ADAMTS6: variants seen among roughly 807,000 people sequenced by gnomAD.
The protein encoded by ADAMTS6 is ADAM metallopeptidase with thrombospondin type 1 motif 6.
Under a neutral mutation model 144.3 loss-of-function variants are expected in ADAMTS6, and 23 were observed. That is an observed-to-expected ratio of 0.16 (90% confidence interval 0.11 to 0.23). ADAMTS6 has a LOEUF of 0.23. Ranked by LOEUF, ADAMTS6 falls within the 10% of genes least tolerant of loss-of-function variation. ADAMTS6 has a pLI of 1.00. For missense variants in ADAMTS6, 999 were observed against 1,379.6 expected (o/e 0.72, Z 4.37); for synonymous variants, 444 against 457.5 (o/e 0.97, Z 0.38).
At chr5:65,456,643 T>C (rs1174518168) in intron 4 of ADAMTS6, among the ~76,000 whole-genome samples, 1 of 152,168 alleles carries the variant, frequency 6.6e-6, no homozygotes, top group African/African-American at 2.4e-5. Flanking sequence ...GCACCTAGAA[T>C]AGCCTTGCAT....
chr5:65,370,370 C>T (rs1251376078), intron 7 of ADAMTS6, among the ~76,000 whole-genome samples: 1 of 152,194 alleles, frequency 6.6e-6, no homozygotes, highest in African/African-American at 2.4e-5. Context: ...GTACCGGGTT[C>T]ATCTCACTAG....
intron 7 of ADAMTS6, among the ~76,000 whole-genome samples, chr5:65,419,505 T>C (rs1755832523): frequency 6.6e-6 from 1 of 152,092 alleles, no homozygotes; most frequent in African/African-American, 2.4e-5. Flanking sequence ...CATCACACAA[T>C]ATACTCAGGC....
intron 9 of ADAMTS6, among the ~76,000 whole-genome samples, chr5:65,313,287 T>A (rs372871541): frequency 6.6e-6 from 1 of 152,084 alleles, no homozygotes; most frequent in Non-Finnish European, 1.5e-5. Flanking sequence ...ATTGAAATAA[T>A]TTAATTGTTA....
chr5:65,224,193 G>C (rs553762925), intron 18 of ADAMTS6, 127 bp downstream of exon 18: 4 of 737,630 alleles, frequency 5.4e-6, no homozygotes, highest in South Asian at 4.9e-5. Flanking sequence ...ATAAAACTTA[G>C]AGCTTACTTC....
chr5:65,358,656 A>G (rs1749563129), intron 7 of ADAMTS6, among the ~76,000 whole-genome samples: 2 of 152,142 alleles, frequency 1.3e-5, no homozygotes, highest in South Asian at 2.1e-4. Context: ...TCAAAACACC[A>G]TGGTACTGAC....
chr5:65,463,334 A>C (rs2150270087), intron 3 of ADAMTS6, among the ~76,000 whole-genome samples: 1 of 152,282 alleles, frequency 6.6e-6, no homozygotes, highest in Middle Eastern at 3.4e-3. Flanking sequence ...AACAAATGCA[A>C]AGGCAATGAG....
intron 15 of ADAMTS6, among the ~76,000 whole-genome samples, chr5:65,230,130 G>A (rs1024607109): frequency 6.6e-6 from 1 of 151,454 alleles, no homozygotes. Context: ...GATATAAAAA[G>A]ATGTAGACTG....
At chr5:65,313,237 A>G (rs1351931748) in intron 9 of ADAMTS6, among the ~76,000 whole-genome samples, 2 of 151,454 alleles carry the variant, frequency 1.3e-5, no homozygotes, top group African/African-American at 4.9e-5. Context: ...GGACTTACCT[A>G]TTTTTTGGCA....
At chr5:65,371,745 C>A (rs918115883) in intron 7 of ADAMTS6, among the ~76,000 whole-genome samples, 13 of 152,220 alleles carry the variant, frequency 8.5e-5, no homozygotes, top group East Asian at 7.7e-4. Flanking sequence ...GGCAGGCCAA[C>A]ATTCAGATGC....
chr5:65,311,532 T>G (rs1045859909), intron 9 of ADAMTS6, among the ~76,000 whole-genome samples: 1 of 152,134 alleles, frequency 6.6e-6, no homozygotes, highest in Non-Finnish European at 1.5e-5. Context: ...TTTCCTTACA[T>G]AGGGTAAAAG....
intron 7 of ADAMTS6, among the ~76,000 whole-genome samples, chr5:65,379,515 T>C (rs1281060742): frequency 6.6e-6 from 1 of 152,206 alleles, no homozygotes; most frequent in Non-Finnish European, 1.5e-5. Context: ...ATCCTAACTT[T>C]GTAGTCTCTA....
intron 24 of ADAMTS6, among the ~76,000 whole-genome samples, chr5:65,163,899 A>G (rs1314840611): frequency 6.6e-6 from 1 of 152,236 alleles, no homozygotes; most frequent in Non-Finnish European, 1.5e-5. Flanking sequence ...TGAATGCCTA[A>G]AAGAATAAAG....
At chr5:65,433,625 T>G (rs1244175667) in intron 7 of ADAMTS6, among the ~76,000 whole-genome samples, 1 of 152,096 alleles carries the variant, frequency 6.6e-6, no homozygotes, top group Admixed American at 6.6e-5. Flanking sequence ...GATATACAAA[T>G]AGACAATGAA....
At chr5:65,375,155 C>A (rs1451326940) in intron 7 of ADAMTS6, among the ~76,000 whole-genome samples, 1 of 152,198 alleles carries the variant, frequency 6.6e-6, no homozygotes, top group Non-Finnish European at 1.5e-5. Flanking sequence ...ACCATAAAAA[C>A]CCTAGAAGAA....
chr5:65,316,825 G>A (rs767236809), intron 9 of ADAMTS6, among the ~76,000 whole-genome samples: 11 of 150,730 alleles, frequency 7.3e-5, no homozygotes, highest in Admixed American at 3.3e-4. Context: ...TTTTTGAGAC[G>A]GAGTCTTGCT....
At chr5:65,319,838 T>C (rs1745417113) in intron 9 of ADAMTS6, among the ~76,000 whole-genome samples, 1 of 151,818 alleles carries the variant, frequency 6.6e-6, no homozygotes, top group South Asian at 2.1e-4. Context: ...AACCAAAAGG[T>C]TTTTTTGTTT....
intron 7 of ADAMTS6, among the ~76,000 whole-genome samples, chr5:65,411,394 C>T (rs183147107): frequency 4.0e-4 from 61 of 152,230 alleles, no homozygotes; most frequent in African/African-American, 1.4e-3. Flanking sequence ...ATACAGCTTT[C>T]TTTCTCTTAA....
At chr5:65,304,097 G>A (rs1311756285) in intron 9 of ADAMTS6, among the ~76,000 whole-genome samples, 1 of 152,188 alleles carries the variant, frequency 6.6e-6, no homozygotes, top group African/African-American at 2.4e-5. Context: ...GGTGTCAGAT[G>A]CAGATAGTTA....
chr5:65,198,936 A>C (rs1245880553), intron 20 of ADAMTS6, among the ~76,000 whole-genome samples: 1 of 152,152 alleles, frequency 6.6e-6, no homozygotes, highest in Non-Finnish European at 1.5e-5. Context: ...TATTCATCGG[A>C]TATCTCCCCA....
Sources: gnomAD v4.1 joint callset for allele counts (sites outside exome capture counted in the v4.1 genomes callset) on GRCh38, gnomAD v4.1.1 for gene constraint, MANE v1.5 for transcripts, NCBI Gene and HGNC (gene_info 2026-07-23, HGNC 2026-07-21) for gene names.